TSPAN18: variants seen among roughly 807,000 people sequenced by gnomAD.
TSPAN18 encodes the protein tetraspanin 18, also known as tetraspanin-18.
A neutral mutation model predicts 27.3 loss-of-function variants in TSPAN18; 14 were observed. The observed-to-expected ratio is 0.51, with a 90% CI of 0.34 to 0.80. TSPAN18 has a LOEUF of 0.80. Ranked by LOEUF, TSPAN18 falls within the 30% of genes least tolerant of loss-of-function variation. The pLI is 0.01. For missense variants in TSPAN18, 268 were observed against 323.9 expected, an observed-to-expected ratio of 0.83 and a Z score of 1.32; for synonymous variants, 143 against 136.5, an observed-to-expected ratio of 1.05 and a Z score of -0.33.
At chr11:44,794,120 C>A (rs756959742) in intron 2 of TSPAN18, among the ~76,000 whole-genome samples, 1 of 152,190 alleles carries the variant, frequency 6.6e-6, no homozygotes, top group Non-Finnish European at 1.5e-5. Context: ...CCCTGGCATC[C>A]TGTCTCATAA....
chr11:44,904,513 G>A (rs570826650), intron 3 of TSPAN18, among the ~76,000 whole-genome samples: 1 of 152,324 alleles, frequency 6.6e-6, no homozygotes, highest in East Asian at 1.9e-4. Context: ...CGAGAGGAGG[G>A]ACGCAAGGCA....
intron 1 of TSPAN18, among the ~76,000 whole-genome samples, chr11:44,731,160 CT>C (rs1854645414): frequency 6.6e-6 from 1 of 152,186 alleles, no homozygotes; most frequent in African/African-American, 2.4e-5. Flanking sequence ...AGAAAGGTAG[CT>C]GAACTAGGCA....
intron 3 of TSPAN18, among the ~76,000 whole-genome samples, chr11:44,879,252 C>T (rs1031864211): frequency 1.3e-4 from 20 of 152,114 alleles, no homozygotes; most frequent in African/African-American, 4.3e-4. Context: ...CCCTCCCTCC[C>T]TCTCTCCCTC....
chr11:44,849,187 C>T (rs1413267314), intron 2 of TSPAN18, among the ~76,000 whole-genome samples: 7 of 152,104 alleles, frequency 4.6e-5, no homozygotes, highest in Admixed American at 2.6e-4. Context: ...TTTGTTGATT[C>T]CTGTCTCAGG....
intron 3 of TSPAN18, among the ~76,000 whole-genome samples, chr11:44,884,802 T>C (rs1858594573): frequency 6.6e-6 from 1 of 152,228 alleles, no homozygotes; most frequent in Admixed American, 6.5e-5. Flanking sequence ...CACAGCCACA[T>C]GGGGCTTGAA....
At chr11:44,811,321 G>A (rs2135098023) in intron 2 of TSPAN18, among the ~76,000 whole-genome samples, 1 of 152,254 alleles carries the variant, frequency 6.6e-6, no homozygotes, top group Non-Finnish European at 1.5e-5. Flanking sequence ...TCATTAGATA[G>A]TCAGCATCTA....
chr11:44,915,677 G>A (rs1011606946), intron 5 of TSPAN18, among the ~76,000 whole-genome samples: 19 of 152,174 alleles, frequency 1.2e-4, no homozygotes, highest in Non-Finnish European at 2.5e-4. Context: ...CCTGAGCCTC[G>A]CCCTGCATCA....
At chr11:44,837,931 C>T (rs1857295813) in intron 2 of TSPAN18, among the ~76,000 whole-genome samples, 2 of 152,140 alleles carry the variant, frequency 1.3e-5, no homozygotes, top group Admixed American at 6.5e-5. Flanking sequence ...ATTTGTGTGA[C>T]TCATTTTATT....
intron 3 of TSPAN18, among the ~76,000 whole-genome samples, chr11:44,900,781 CCTCCTGGGTTCAAGCAATT>C (rs1473504203): frequency 1.0e-4 from 15 of 144,844 alleles, no homozygotes; most frequent in African/African-American, 3.9e-4. Context: ...GCCACCTCTT[CCTCCTGGGTTCAAGCAATT>C]CTCCTGCCTC....
At chr11:44,859,759 G>C (rs1857828742) in intron 2 of TSPAN18, 1 of 152,220 alleles carries the variant, frequency 6.6e-6, no homozygotes, top group African/African-American at 2.4e-5. Context: ...CTGGAGAGAG[G>C]CCTCAGCATG....
intron 4 of TSPAN18, 190 bp from the exon 5 acceptor site, chr11:44,909,515 T>C (rs1859627678): frequency 1.7e-6 from 1 of 580,924 alleles, no homozygotes; most frequent in Non-Finnish European, 3.0e-6. Flanking sequence ...TCACGGCAGC[T>C]AGAAAAATTA....
At position 44,922,039 on chromosome 11, in the gene TSPAN18, C is replaced by A. The variant is rs999969138; in HGVS notation, c.615+2040C>A. Among the ~76,000 whole-genome samples the A allele has an allele frequency of 2.0e-5, 3 of 152,110 alleles. No homozygotes were observed. In the East Asian group the frequency reaches 5.8e-4, roughly 29 times the overall value. ...TCATGTCCCTCCTAGGCATTTCGTCCCGTTAAAAATCTGCTGCTGTGGAAC... is the reference window on the plus strand; with the variant it reads ...TCATGTCCCTCCTAGGCATTTCGTCACGTTAAAAATCTGCTGCTGTGGAAC... On this transcript the variant is annotated intron_variant, in intron 8 of 9. Coordinates refer to ENST00000520358, the MANE Select transcript of TSPAN18 (RefSeq NM_130783.5).
intron 3 of TSPAN18, among the ~76,000 whole-genome samples, chr11:44,875,645 G>A (rs1369634840): frequency 2.6e-5 from 4 of 152,214 alleles, no homozygotes; most frequent in East Asian, 1.9e-4. Context: ...CTTGGGAGTC[G>A]AGCTTATTGT....
intron 1 of TSPAN18, among the ~76,000 whole-genome samples, chr11:44,744,313 C>T (rs1855020955): frequency 1.3e-5 from 2 of 152,228 alleles, no homozygotes; most frequent in African/African-American, 4.8e-5. Context: ...CTCTGGACTG[C>T]AGTCTTGTCT....
chr11:44,827,075 G>A (rs1857058829), intron 2 of TSPAN18, among the ~76,000 whole-genome samples: 1 of 152,186 alleles, frequency 6.6e-6, no homozygotes. Flanking sequence ...GCCCCTCTGG[G>A]CTGGGCTGGA....
rs2291334 is a variant in TSPAN18, at chr11:44,919,277, G to C, written c.397G>C (p.Val133Leu). 1 of 1,613,854 alleles carries C rather than the reference G, an allele frequency of 6.2e-7. No individual in the cohort carries two copies. The highest frequency in any genetic ancestry group is 2.2e-5 in the East Asian group (1 of 44,856). ...CTACCAGGGCAATAACGACACAGAC[G>C]TCTTCTCTGCCACCTGGAACTCGGT... ...KHYQGNNDTD[V>L]FSATWNSVMI... The change falls in exon 7 of 10, where the codon GTC (valine) becomes CTC (leucine). Residue 133 changes from valine (V) to leucine (L), a missense_variant. Val to Leu is a conservative substitution (Grantham distance 32, BLOSUM62 1). Transcript: ENST00000520358.
At chr11:44,783,731 G>A (rs566110405) in intron 2 of TSPAN18, among the ~76,000 whole-genome samples, 17 of 152,270 alleles carry the variant, frequency 1.1e-4, no homozygotes, top group African/African-American at 4.1e-4. Flanking sequence ...CCTTATGCCA[G>A]GCGCTTGCCT....
intron 2 of TSPAN18, among the ~76,000 whole-genome samples, chr11:44,801,950 T>G (rs1466483651): frequency 3.9e-5 from 6 of 152,082 alleles, no homozygotes; most frequent in Non-Finnish European, 4.4e-5. Context: ...GAGGATTGCT[T>G]GAGCCTGGGA....
intron 1 of TSPAN18, among the ~76,000 whole-genome samples, chr11:44,762,492 T>C (rs1454620739): frequency 6.6e-6 from 1 of 152,242 alleles, no homozygotes; most frequent in African/African-American, 2.4e-5. Context: ...CCAGAGCGTT[T>C]GCAGTGGTTC....
Sources: allele counts gnomAD v4.1 joint callset (sites outside exome capture counted in the v4.1 genomes callset), GRCh38; gene constraint gnomAD v4.1.1; transcripts MANE v1.5; gene names NCBI Gene and HGNC (gene_info 2026-07-23, HGNC 2026-07-21).